Variants in KCNH8 observed in about 807,000 individuals in gnomAD.
KCNH8 encodes potassium voltage-gated channel subfamily H member 8.
A neutral mutation model predicts 103.6 loss-of-function variants in KCNH8; 70 were observed. The ratio of observed to expected loss-of-function variants is 0.68; its 90% CI spans 0.56 to 0.82. The LOEUF is 0.82. Ranked by LOEUF, KCNH8 falls within the 40% of genes least tolerant of loss-of-function variation. The pLI is 0.00. For missense variants in KCNH8, 1,217 were observed against 1,329.9 expected, an observed-to-expected ratio of 0.92 and a Z score of 1.32; for synonymous variants, 498 against 489.4, an observed-to-expected ratio of 1.02 and a Z score of -0.23.
intron 11 of KCNH8, among the ~76,000 whole-genome samples, chr3:19,470,517 T>C (rs779027139): frequency 1.3e-4 from 20 of 152,212 alleles, no homozygotes; most frequent in African/African-American, 2.2e-4. Context: ...TAGATTCTTG[T>C]GTAAAGACTC....
chr3:19,229,573 T>G lies in KCNH8; in HGVS notation c.77-24081T>G, dbSNP rs905756417. On this transcript the variant is annotated intron_variant, in intron 1 of 15. Coordinates refer to ENST00000328405, the MANE Select transcript of KCNH8 (RefSeq NM_144633.3). ...GACACAGGGCACCAAGTCCGTAGGC[T>G]GCGCACAGCATGCAGACCCCAGGCC... Among the ~76,000 whole-genome samples the G allele has an allele frequency of 9.2e-5, 14 of 152,342 alleles. 2 individuals carry two copies. Among genetic ancestry groups the G allele is most frequent in the Admixed American group, 5.2e-4 (8 of 15,306 alleles).
At chr3:19,179,408 C>T (rs1426132411) in intron 1 of KCNH8, among the ~76,000 whole-genome samples, 2 of 151,976 alleles carry the variant, frequency 1.3e-5, no homozygotes, top group South Asian at 2.1e-4. Flanking sequence ...AGTTATGATC[C>T]GTTTTTGTTG....
At chr3:19,278,547 AAGGG>A (rs1233553544) in intron 2 of KCNH8, among the ~76,000 whole-genome samples, 1,754 of 110,904 alleles carry the variant, frequency 0.016, 28 homozygotes, top group African/African-American at 0.057. Flanking sequence ...ATAAGGGAGG[AAGGG>A]AGGGAGGGAG....
chr3:19,403,372 A>G, intron 7 of KCNH8, among the ~76,000 whole-genome samples: 1 of 26,012 alleles, frequency 3.8e-5, no homozygotes, highest in Non-Finnish European at 6.6e-5. Context: ...ATATATATAT[A>G]TATATATATA....
At chr3:19,315,851 T>C (rs368269949) in intron 3 of KCNH8, among the ~76,000 whole-genome samples, 11 of 152,066 alleles carry the variant, frequency 7.2e-5, no homozygotes, top group East Asian at 3.9e-4. Context: ...AGGAGAATAT[T>C]TTATAGTTGG....
chr3:19,285,505 T>C (rs1192373604), intron 3 of KCNH8, among the ~76,000 whole-genome samples: 1 of 152,202 alleles, frequency 6.6e-6, no homozygotes, highest in East Asian at 1.9e-4. Flanking sequence ...ATATAGAATA[T>C]GCTCAATAAA....
chr3:19,374,009 G>C (rs1441282801), intron 5 of KCNH8, among the ~76,000 whole-genome samples: 1 of 152,164 alleles, frequency 6.6e-6, no homozygotes, highest in South Asian at 2.1e-4. Context: ...TACATTTGCT[G>C]AGGAGTGCTT....
intron 11 of KCNH8, among the ~76,000 whole-genome samples, chr3:19,491,287 G>C (rs1221018101): frequency 6.6e-6 from 1 of 152,136 alleles, no homozygotes; most frequent in African/African-American, 2.4e-5. Context: ...CCAAGGTAGT[G>C]AGCATAGTAC....
Position 19,253,833 on chromosome 3 carries a change from T to A in KCNH8, c.256T>A (p.Ser86Thr), listed in dbSNP as rs775955215. 6.2e-7 allele frequency: 1 copy of A among 1,613,836 alleles called. No homozygotes were observed. Among genetic ancestry groups the A allele is most frequent in the Non-Finnish European group, 8.5e-7 (1 of 1,179,860 alleles). The change falls in exon 2 of 16, where the codon TCA (serine) becomes ACA (threonine). Residue 86 changes from serine to threonine, a missense_variant. Ser to Thr is a moderately conservative substitution (Grantham distance 58). Coordinates refer to ENST00000328405, the MANE Select transcript of KCNH8 (RefSeq NM_144633.3). ...NEQLMLQIEK[S>T]LEEKTEFKGE... ...GCAACTGATGCTTCAAATAGAAAAG[T>A]CACTGGAGGAGAAAACAGAATTCAA...
chr3:19,381,842 T>C (rs1467212647), intron 5 of KCNH8, among the ~76,000 whole-genome samples: 1 of 152,148 alleles, frequency 6.6e-6, no homozygotes, highest in African/African-American at 2.4e-5. Context: ...CTAGAATATA[T>C]ACATAACTTG....
rs144223415 is a variant in KCNH8, at chr3:19,322,480, A to C, written c.443-20107A>C. Among the ~76,000 whole-genome samples, 162 of 152,240 alleles carry C rather than the reference A, an allele frequency of 1.1e-3. 2 individuals are homozygous for C. Among genetic ancestry groups the C allele is most frequent in the African/African-American group, 3.7e-3 (155 of 41,568 alleles). On this transcript the variant is annotated intron_variant, in intron 3 of 15. Coordinates refer to ENST00000328405, the MANE Select transcript of KCNH8 (RefSeq NM_144633.3). ...TAGTTTCACTGCATACAAAATTCTTAGCTGATAATTGTTTTGTTTTAGGAG... is the reference window on the plus strand; with the variant it reads ...TAGTTTCACTGCATACAAAATTCTTCGCTGATAATTGTTTTGTTTTAGGAG...
intron 8 of KCNH8, among the ~76,000 whole-genome samples, chr3:19,446,750 A>G (rs906992381): frequency 6.6e-6 from 1 of 151,958 alleles, no homozygotes; most frequent in Non-Finnish European, 1.5e-5. Context: ...ACTCCAGGAG[A>G]TAAGTGTTGT....
intron 15 of KCNH8, among the ~76,000 whole-genome samples, chr3:19,520,010 C>CAA (rs566251016): frequency 2.2e-5 from 3 of 138,310 alleles, no homozygotes; most frequent in African/African-American, 5.3e-5. Flanking sequence ...GATCCATTAA[C>CAA]AAAAAAAAAA....
intron 1 of KCNH8, among the ~76,000 whole-genome samples, chr3:19,203,876 G>A (rs529038354): frequency 6.6e-6 from 1 of 152,062 alleles, no homozygotes; most frequent in South Asian, 2.1e-4. Context: ...GAAGCAGAAA[G>A]TGACTGTTAT....
intron 2 of KCNH8, among the ~76,000 whole-genome samples, chr3:19,271,871 C>G (rs913637967): frequency 1.0e-3 from 152 of 152,236 alleles, no homozygotes; most frequent in African/African-American, 3.5e-3. Context: ...CCCTTCTTTT[C>G]TAAAGATACA....
intron 11 of KCNH8, among the ~76,000 whole-genome samples, chr3:19,470,394 T>G (rs2067830792): frequency 6.6e-6 from 1 of 152,218 alleles, no homozygotes; most frequent in Non-Finnish European, 1.5e-5. Context: ...TCTTCTCTCC[T>G]TCAGTAGACT....
At chr3:19,454,451 T>C (rs1160447428) in intron 10 of KCNH8, among the ~76,000 whole-genome samples, 1 of 152,132 alleles carries the variant, frequency 6.6e-6, no homozygotes, top group Non-Finnish European at 1.5e-5. Flanking sequence ...TAGCATCTTA[T>C]GGTTTTGATA....
intron 3 of KCNH8, among the ~76,000 whole-genome samples, chr3:19,334,400 G>C (rs1172191110): frequency 6.6e-6 from 1 of 152,086 alleles, no homozygotes; most frequent in Non-Finnish European, 1.5e-5. Context: ...CCTATGAATA[G>C]CCACTGGACT....
chr3:19,529,495 A>G (rs943459893), intron 15 of KCNH8, among the ~76,000 whole-genome samples: 5 of 152,132 alleles, frequency 3.3e-5, no homozygotes, highest in South Asian at 2.1e-4. Context: ...TCTTCTTACC[A>G]TGCTATGAAG....
Sources: allele counts gnomAD v4.1 joint callset (sites outside exome capture counted in the v4.1 genomes callset), GRCh38; gene constraint gnomAD v4.1.1; transcripts MANE v1.5; gene names NCBI Gene and HGNC (gene_info 2026-07-23, HGNC 2026-07-21).